STK3: variants seen among roughly 807,000 people sequenced by gnomAD.
STK3 encodes serine/threonine kinase 3.
A neutral mutation model predicts 58.0 loss-of-function variants in STK3; 41 were observed. The observed-to-expected ratio is 0.71, with a 90% CI of 0.55 to 0.92. The LOEUF (loss-of-function observed/expected upper bound fraction) is 0.92, where lower values mean the gene tolerates loss of function less well. STK3 is among the 40% of genes least tolerant of loss of function. STK3 has a pLI of 0.00. For missense variants in STK3, 479 were observed against 602.7 expected (o/e 0.79, Z 2.15); for synonymous variants, 170 against 191.0 (o/e 0.89, Z 0.91).
At chr8:98,912,418 AC>A (rs958859926) in intron 1 of STK3, among the ~76,000 whole-genome samples, 2 of 151,456 alleles carry the variant, frequency 1.3e-5, no homozygotes, top group African/African-American at 4.9e-5. Flanking sequence ...AAAAAAAAAA[AC>A]TTTATCTTGA....
At chr8:98,493,570 T>A (rs1420498624) in intron 10 of STK3, among the ~76,000 whole-genome samples, 1 of 152,206 alleles carries the variant, frequency 6.6e-6, no homozygotes, top group African/African-American at 2.4e-5. Flanking sequence ...TTCTCCTCCC[T>A]CAGTATCTAA....
the STK3 span, among the ~76,000 whole-genome samples, chr8:98,356,600 C>T: frequency 6.6e-6 from 1 of 152,116 alleles, no homozygotes; most frequent in Admixed American, 6.5e-5. Context: ...TGTGGGAATG[C>T]TATGTGATGA....
At chr8:98,907,690 A>T (rs2131972252) in intron 1 of STK3, among the ~76,000 whole-genome samples, 1 of 152,348 alleles carries the variant, frequency 6.6e-6, no homozygotes, top group South Asian at 2.1e-4. Flanking sequence ...TTTTTGAGAA[A>T]TATAACTGCA....
chr8:98,788,959 A>G (rs1233702553), intron 1 of STK3, among the ~76,000 whole-genome samples: 1 of 152,234 alleles, frequency 6.6e-6, no homozygotes, highest in Non-Finnish European at 1.5e-5. Context: ...CAGAATATAC[A>G]TTCTATTCAA....
At chr8:98,386,687 T>A (rs1196715125) in intron 1 of STK3, among the ~76,000 whole-genome samples, 3 of 152,166 alleles carry the variant, frequency 2.0e-5, no homozygotes, top group African/African-American at 7.2e-5. Flanking sequence ...ACCTTAAAAC[T>A]ATGTAAATGC....
At chr8:98,666,020 G>A (rs1206160055) in intron 6 of STK3, among the ~76,000 whole-genome samples, 1 of 151,968 alleles carries the variant, frequency 6.6e-6, no homozygotes, top group Non-Finnish European at 1.5e-5. Context: ...GATTTTTAAG[G>A]AAACTTCAAC....
At chr8:98,437,510 G>C (rs1198712641) in intron 1 of STK3, 1 of 152,142 alleles carries the variant, frequency 6.6e-6, no homozygotes. Context: ...AACAGAATTG[G>C]GGTTCTTGGG....
intron 6 of STK3, among the ~76,000 whole-genome samples, chr8:98,607,906 T>C (rs1816897769): frequency 6.6e-6 from 1 of 152,162 alleles, no homozygotes; most frequent in African/African-American, 2.4e-5. Flanking sequence ...TTTCCTAGTA[T>C]TTAGAAACTT....
intron 3 of STK3, among the ~76,000 whole-genome samples, chr8:98,840,626 T>TATATATATATATAC (rs1554689095): frequency 1.5e-5 from 2 of 133,420 alleles, no homozygotes; most frequent in African/African-American, 5.8e-5. Flanking sequence ...TATATATATA[T>TATATATATATATAC]ATACACACAC....
intron 10 of STK3, among the ~76,000 whole-genome samples, chr8:98,474,591 C>T (rs1185607368): frequency 1.3e-5 from 2 of 152,174 alleles, no homozygotes; most frequent in African/African-American, 4.8e-5. Flanking sequence ...TTGTTCCACA[C>T]TCCCCACTTT....
intron 6 of STK3, among the ~76,000 whole-genome samples, chr8:98,655,174 A>G (rs1821379869): frequency 6.6e-6 from 1 of 152,092 alleles, no homozygotes; most frequent in Non-Finnish European, 1.5e-5. Context: ...CCTCAGAAAT[A>G]ACGCCGCATA....
rs747206035 is a variant in STK3 at position 98,749,282 on chromosome 8, G to A, written c.345C>T (p.Asn115=). ...ACAATTTTAAAATACTTACTGTCTT[G>A]TTTCGTAATCTAATTATGTCTGAGA... The part of the protein sequence containing the change: ...GSVSDIIRLR[N]KTLIEDEIAT... Residue 115 remains asparagine (N), a synonymous_variant, in exon 4 of 11, where the codon AAC becomes AAT. Transcript: ENST00000419617. The A allele has an allele frequency of 4.4e-6, 7 of 1,598,520 alleles. No homozygotes were observed. In the South Asian group the frequency reaches 6.7e-5, roughly 15 times the overall value.
chr8:98,608,382 A>C (rs1403402063), intron 6 of STK3, among the ~76,000 whole-genome samples: 1 of 152,146 alleles, frequency 6.6e-6, no homozygotes, highest in Non-Finnish European at 1.5e-5. Flanking sequence ...AAGCCTGAAA[A>C]CCACTATTCT....
intron 10 of STK3, among the ~76,000 whole-genome samples, chr8:98,495,314 T>C (rs915133028): frequency 1.3e-5 from 2 of 152,202 alleles, no homozygotes; most frequent in African/African-American, 4.8e-5. Flanking sequence ...TTTTTTGGTT[T>C]TCCACTCAGA....
intron 7 of STK3, among the ~76,000 whole-genome samples, chr8:98,588,319 G>C (rs1208556681): frequency 6.6e-6 from 1 of 151,706 alleles, no homozygotes; most frequent in Non-Finnish European, 1.5e-5. Context: ...CTCAGCATTT[G>C]CTTGTCTGTA....
At chr8:98,695,546 G>A (rs1201698142) in intron 6 of STK3, among the ~76,000 whole-genome samples, 2 of 152,204 alleles carry the variant, frequency 1.3e-5, no homozygotes, top group Non-Finnish European at 2.9e-5. Flanking sequence ...AAGGGATACA[G>A]TTTCAGCTTT....
chr8:98,508,123 C>A (rs1465262029), intron 10 of STK3, among the ~76,000 whole-genome samples: 1 of 151,980 alleles, frequency 6.6e-6, no homozygotes, highest in Non-Finnish European at 1.5e-5. Flanking sequence ...TAGAACAGTG[C>A]CAGGCATGTA....
chr8:98,867,689 G>A (rs1218244136), intron 3 of STK3, among the ~76,000 whole-genome samples: 1 of 152,170 alleles, frequency 6.6e-6, no homozygotes, highest in African/African-American at 2.4e-5. Context: ...TAACTGGTTT[G>A]TATCTCAGCT....
At chr8:98,651,497 C>A (rs982167953) in intron 6 of STK3, 2 of 152,284 alleles carry the variant, frequency 1.3e-5, no homozygotes, top group African/African-American at 4.8e-5. Flanking sequence ...CGGAGAATGA[C>A]TTTGACGAGT....
Sources: allele counts gnomAD v4.1 joint callset (sites outside exome capture counted in the v4.1 genomes callset), GRCh38; gene constraint gnomAD v4.1.1; transcripts MANE v1.5; gene names NCBI Gene and HGNC (gene_info 2026-07-23, HGNC 2026-07-21).